Variants in MACROD2 observed in about 807,000 individuals in gnomAD.
The protein encoded by MACROD2 is mono-ADP ribosylhydrolase 2.
A neutral mutation model predicts 70.4 loss-of-function variants in MACROD2; 36 were observed. The observed-to-expected ratio is 0.51, with a 90% CI of 0.39 to 0.68. The LOEUF is 0.68. Among genes scored for constraint, MACROD2 ranks in the 30% least tolerant of loss-of-function variants. MACROD2 has a pLI of 0.00. For synonymous variants in MACROD2, 172 were observed against 178.8 expected (o/e 0.96, Z 0.30); for missense variants, 496 against 538.4 (o/e 0.92, Z 0.78).
chr20:14,185,311 A>T lies in MACROD2; in HGVS notation c.271+99583A>T, dbSNP rs1469471623. 2.0e-5 allele frequency among the ~76,000 whole-genome samples: 3 copies of T among 152,154 alleles called. No individual in the cohort carries two copies. The South Asian group carries it at 6.2e-4, about 31-fold the overall frequency. ...TTTATATGTTCTGACGCACTCTCAGATATTAAAATGCCCTTCTTTCATGTT... is the reference window on the plus strand; with the variant it reads ...TTTATATGTTCTGACGCACTCTCAGTTATTAAAATGCCCTTCTTTCATGTT... On this transcript the variant is annotated intron_variant, in intron 3 of 17. Transcript: ENST00000684519.
chr20:14,249,025 G>GA (rs1281546602), intron 3 of MACROD2, among the ~76,000 whole-genome samples: 3 of 151,578 alleles, frequency 2.0e-5, no homozygotes, highest in Non-Finnish European at 4.4e-5. Flanking sequence ...ATAGCCAATA[G>GA]AAGAAGTTTT....
In MACROD2 at chr20:15,872,222, C is replaced by G. The variant is rs183147464; in HGVS notation, c.727+9396C>G. Among the ~76,000 whole-genome samples the G allele has an allele frequency of 4.2e-3, 631 of 151,436 alleles. 3 individuals are homozygous for G. Among genetic ancestry groups the G allele is most frequent in the African/African-American group, 0.015 (609 of 41,506 alleles). ...ATGGTATATCCACATGTCCTCTTTC[C>G]TTCTTCTTCTTATCTCCTCTCTGGT... On this transcript the variant is annotated intron_variant, in intron 9 of 17. Transcript: ENST00000684519.
chr20:14,371,780 T>G (rs2083326057), intron 3 of MACROD2, among the ~76,000 whole-genome samples: 1 of 152,092 alleles, frequency 6.6e-6, no homozygotes, highest in Non-Finnish European at 1.5e-5. Flanking sequence ...ATGAAAGCCA[T>G]TTGTGCCTAG....
At chr20:15,707,118 C>T (rs1286936110) in intron 8 of MACROD2, among the ~76,000 whole-genome samples, 3 of 152,126 alleles carry the variant, frequency 2.0e-5, no homozygotes, top group Non-Finnish European at 4.4e-5. Flanking sequence ...TATATACATA[C>T]ATACATATAG....
chr20:14,151,938 C>T (rs1196007750), intron 3 of MACROD2, among the ~76,000 whole-genome samples: 1 of 149,280 alleles, frequency 6.7e-6, no homozygotes, highest in Non-Finnish European at 1.5e-5. Flanking sequence ...TCTCCTGCCT[C>T]AGCCTCCCGA....
intron 4 of MACROD2, among the ~76,000 whole-genome samples, chr20:14,674,976 C>G (rs532501626): frequency 6.6e-6 from 1 of 152,148 alleles, no homozygotes; most frequent in East Asian, 1.9e-4. Flanking sequence ...TCCAAAATCT[C>G]CCTGTGAAAA....
chr20:14,013,574 C>T (rs1366604211), intron 2 of MACROD2, among the ~76,000 whole-genome samples: 2 of 151,430 alleles, frequency 1.3e-5, no homozygotes, highest in African/African-American at 4.9e-5. Flanking sequence ...GCCCAGCTGG[C>T]TCAACTGTAC....
intron 8 of MACROD2, among the ~76,000 whole-genome samples, chr20:15,585,902 G>A (rs2048593330): frequency 6.6e-6 from 1 of 152,058 alleles, no homozygotes; most frequent in African/African-American, 2.4e-5. Context: ...ACCTCATAGT[G>A]CTGCAATGCC....
At chr20:14,212,002 G>A (rs6042587) in intron 3 of MACROD2, among the ~76,000 whole-genome samples, 151,290 of 152,256 alleles carry the variant, frequency 0.99, 75,173 homozygotes, top group East Asian at 1. Flanking sequence ...AAGATGCATA[G>A]TACTGTTTAA....
intron 6 of MACROD2, among the ~76,000 whole-genome samples, chr20:15,341,936 C>A (rs2078114611): frequency 6.6e-6 from 1 of 152,062 alleles, no homozygotes; most frequent in African/African-American, 2.4e-5. Flanking sequence ...CACTTGTAAT[C>A]TTACCTATTT....
At chr20:14,047,300 CA>C (rs1410932139) in intron 2 of MACROD2, among the ~76,000 whole-genome samples, 1 of 151,806 alleles carries the variant, frequency 6.6e-6, no homozygotes, top group Non-Finnish European at 1.5e-5. Context: ...CCCAAATATA[CA>C]AAAATTAGCC....
At chr20:14,376,782 A>C (rs1343374664) in intron 3 of MACROD2, among the ~76,000 whole-genome samples, 1 of 148,312 alleles carries the variant, frequency 6.7e-6, no homozygotes, top group Non-Finnish European at 1.5e-5. Context: ...TAATAATAAT[A>C]ATAATAATAA....
chr20:15,195,952 CTG>C (rs1309331181), intron 5 of MACROD2, among the ~76,000 whole-genome samples: 5 of 152,174 alleles, frequency 3.3e-5, no homozygotes, highest in East Asian at 1.9e-4. Context: ...GAGCTGGAAA[CTG>C]TTATCTTCAA....
At chr20:14,811,362 T>C (rs976404449) in intron 5 of MACROD2, among the ~76,000 whole-genome samples, 3 of 152,024 alleles carry the variant, frequency 2.0e-5, no homozygotes, top group Non-Finnish European at 4.4e-5. Context: ...TAATAAATGG[T>C]GTTGGGAAAA....
intron 4 of MACROD2, chr20:14,623,154 C>G (rs999841072): frequency 1.3e-5 from 2 of 152,188 alleles, no homozygotes; most frequent in African/African-American, 4.8e-5. Context: ...TTGGCTGAGA[C>G]CTGTGTTACA....
chr20:15,655,079 G>A (rs966502701), intron 8 of MACROD2, among the ~76,000 whole-genome samples: 1 of 151,940 alleles, frequency 6.6e-6, no homozygotes, highest in Admixed American at 6.6e-5. Context: ...TAAAGTAAAC[G>A]ATTTCAATCA....
intron 3 of MACROD2, among the ~76,000 whole-genome samples, chr20:14,440,632 A>G (rs1216036782): frequency 6.6e-6 from 1 of 152,206 alleles, no homozygotes; most frequent in African/African-American, 2.4e-5. Flanking sequence ...CGTCTGTAGA[A>G]GAGTCAAGAT....
At chr20:14,684,767 C>T (rs570240142) in intron 4 of MACROD2, 76 bp from the exon 5 acceptor site, 5 of 1,189,312 alleles carry the variant, frequency 4.2e-6, no homozygotes, top group South Asian at 3.7e-5. Flanking sequence ...ATTGAGTTCT[C>T]TTCCTCTTCC....
rs191520673 is a variant in MACROD2, at chr20:14,559,698, T to G, written c.301+66190T>G. Among the ~76,000 whole-genome samples, 31 of 151,986 alleles carry G rather than the reference T, an allele frequency of 2.0e-4. 2 individuals carry two copies. In the East Asian group the frequency reaches 2.5e-3, roughly 12 times the overall value. Reference sequence around the variant, plus strand: ...TAATTCTCACACTTTTTTCTTTAGTTATATACATAAATCATTTTAGGGCTG... The same window carrying G: ...TAATTCTCACACTTTTTTCTTTAGTGATATACATAAATCATTTTAGGGCTG... On this transcript the variant is annotated intron_variant, in intron 4 of 17. Transcript: ENST00000684519.
Sources: allele counts gnomAD v4.1 joint callset (sites outside exome capture counted in the v4.1 genomes callset), GRCh38; gene constraint gnomAD v4.1.1; transcripts MANE v1.5; gene names NCBI Gene and HGNC (gene_info 2026-07-23, HGNC 2026-07-21).